The following CNTN5 variants were observed in gnomAD, a reference collection of about 807,000 sequenced individuals.
CNTN5 encodes the protein contactin-5.
CNTN5 carries 77 observed loss-of-function variants against 129.1 expected under a neutral mutation model. The observed-to-expected ratio is 0.60, with a 90% confidence interval of 0.50 to 0.72. The LOEUF is 0.72. CNTN5 is among the 30% of genes least tolerant of loss of function. The pLI, the probability that CNTN5 is intolerant of heterozygous loss-of-function variation, is 0.00. For synonymous variants in CNTN5, 509 were observed against 465.6 expected, an observed-to-expected ratio of 1.09 and a Z score of -1.20; for missense variants, 1,478 against 1,328.8, an observed-to-expected ratio of 1.11 and a Z score of -1.75.
chr11:100,207,644 C>T (rs1948944781), intron 15 of CNTN5, among the ~76,000 whole-genome samples: 1 of 151,954 alleles, frequency 6.6e-6, no homozygotes, highest in East Asian at 1.9e-4. Context: ...GATAGTATTT[C>T]CTAAAAGCAT....
At chr11:100,227,668 G>A (rs1949407758) in intron 16 of CNTN5, among the ~76,000 whole-genome samples, 1 of 152,090 alleles carries the variant, frequency 6.6e-6, no homozygotes, top group African/African-American at 2.4e-5. Flanking sequence ...AACCATAATA[G>A]AATGAATATG....
Position 99,775,482 on chromosome 11 carries a change from T to A in CNTN5, c.56-44062T>A, listed in dbSNP as rs527257581. Among the ~76,000 whole-genome samples the A allele has an allele frequency of 2.6e-5, 4 of 152,112 alleles. No individual in the cohort carries two copies. In the South Asian group the frequency reaches 8.3e-4, roughly 32 times the overall value. On this transcript the variant is annotated intron_variant, in intron 3 of 24. Coordinates refer to ENST00000524871, the MANE Select transcript of CNTN5 (RefSeq NM_014361.4). The stretch of plus-strand genomic sequence containing the variant: ...ATAAAAATATATTGTGATTAATGTC[T>A]CATCTACTGAAGAGCTTTGGTCAAA...
chr11:100,316,852 T>A (rs1951582000), intron 21 of CNTN5, among the ~76,000 whole-genome samples: 1 of 152,172 alleles, frequency 6.6e-6, no homozygotes, highest in Non-Finnish European at 1.5e-5. Flanking sequence ...TAGCAGGAGT[T>A]TAAGTGCACA....
intron 1 of CNTN5, among the ~76,000 whole-genome samples, chr11:99,059,541 A>C (rs1864786803): frequency 6.6e-6 from 1 of 152,110 alleles, no homozygotes; most frequent in Non-Finnish European, 1.5e-5. Context: ...CTTCTCTGAA[A>C]ACATTTGTAG....
intron 1 of CNTN5, among the ~76,000 whole-genome samples, chr11:99,096,316 G>A (rs1866465979): frequency 6.6e-6 from 1 of 151,726 alleles, no homozygotes; most frequent in African/African-American, 2.4e-5. Flanking sequence ...TATTTGTGAT[G>A]AAAACAATAT....
intron 8 of CNTN5, among the ~76,000 whole-genome samples, chr11:99,964,652 A>G (rs1951045297): frequency 6.6e-6 from 1 of 152,136 alleles, no homozygotes; most frequent in Non-Finnish European, 1.5e-5. Flanking sequence ...AGGCTTTGGT[A>G]TCAGGATGAT....
chr11:99,468,537 T>C (rs750942191), intron 2 of CNTN5, among the ~76,000 whole-genome samples: 6 of 152,112 alleles, frequency 3.9e-5, no homozygotes, highest in Non-Finnish European at 8.8e-5. Context: ...ATATGATGGA[T>C]GGTTAGGCAA....
At chr11:99,740,473 C>A (rs1475857887) in intron 3 of CNTN5, among the ~76,000 whole-genome samples, 1 of 152,086 alleles carries the variant, frequency 6.6e-6, no homozygotes, top group East Asian at 1.9e-4. Context: ...AGTAAGAAAG[C>A]AGGAATGGAA....
intron 18 of CNTN5, among the ~76,000 whole-genome samples, chr11:100,281,989 G>T (rs1950649687): frequency 1.5e-5 from 2 of 133,282 alleles, no homozygotes; most frequent in Non-Finnish European, 3.1e-5. Flanking sequence ...TTCTTTCTTG[G>T]CATTCTATTT....
At chr11:99,628,124 A>G (rs928531942) in intron 3 of CNTN5, among the ~76,000 whole-genome samples, 2 of 151,948 alleles carry the variant, frequency 1.3e-5, no homozygotes, top group Non-Finnish European at 2.9e-5. Context: ...TAGAGTATTC[A>G]TTTCAGCATC....
At chr11:99,512,205 C>T (rs1446948148) in intron 2 of CNTN5, among the ~76,000 whole-genome samples, 1 of 152,084 alleles carries the variant, frequency 6.6e-6, no homozygotes, top group Admixed American at 6.6e-5. Flanking sequence ...TTCTTTCATA[C>T]CACATTTTGC....
chr11:100,029,589 A>G (rs1031844146), intron 9 of CNTN5, among the ~76,000 whole-genome samples: 1 of 152,148 alleles, frequency 6.6e-6, no homozygotes, highest in Admixed American at 6.5e-5. Context: ...TCAAAAAAAA[A>G]GAAAAAACAT....
intron 13 of CNTN5, among the ~76,000 whole-genome samples, chr11:100,115,832 G>C (rs12269943): frequency 0.13 from 19,474 of 151,898 alleles, 1,298 homozygotes; most frequent in East Asian, 0.19. Context: ...AAGGTATTTT[G>C]GGTTTTGAAA....
rs755194370 is a variant in CNTN5, at chr11:100,090,205, CA to C, written c.1580+15913del. On this transcript the variant is annotated intron_variant, in intron 13 of 24. Coordinates refer to ENST00000524871, the MANE Select transcript of CNTN5 (RefSeq NM_014361.4). Reference sequence around the variant, plus strand: ...GGCATTGAAAGAACATATCTCAAAACAATAAGAGCCATCTGTGACAAACCCA... The same window carrying C: ...GGCATTGAAAGAACATATCTCAAAACATAAGAGCCATCTGTGACAAACCCA... Among the ~76,000 whole-genome samples, 15 of 152,014 alleles carry C rather than the reference CA, an allele frequency of 9.9e-5. No individual in the cohort carries two copies. The East Asian group carries it at 2.5e-3, about 26-fold the overall frequency.
chr11:100,061,953 A>G (rs749558092), intron 10 of CNTN5, among the ~76,000 whole-genome samples: 14 of 152,220 alleles, frequency 9.2e-5, no homozygotes, highest in Non-Finnish European at 1.9e-4. Flanking sequence ...AAATTAATAC[A>G]TCTGTATGAT....
At chr11:100,299,423 T>G (rs557270154) in intron 20 of CNTN5, 27 bp downstream of exon 20, 1 of 1,385,892 alleles carries the variant, frequency 7.2e-7, no homozygotes, top group Non-Finnish European at 1.0e-6. Context: ...CTATTATTTT[T>G]ATTTAACATT....
intron 13 of CNTN5, among the ~76,000 whole-genome samples, chr11:100,136,824 C>T (rs889269914): frequency 1.3e-5 from 2 of 150,658 alleles, no homozygotes; most frequent in African/African-American, 4.9e-5. Flanking sequence ...AAGAAACAAA[C>T]ACTTGGGAAA....
chr11:99,674,655 G>A (rs990758823), intron 3 of CNTN5, among the ~76,000 whole-genome samples: 2 of 152,060 alleles, frequency 1.3e-5, no homozygotes, highest in East Asian at 3.9e-4. Context: ...CAAAGTAGAG[G>A]AACTCATGCT....
rs562048417 is a variant in CNTN5 at position 99,892,366 on chromosome 11, A to C, written c.578-23688A>C. Among the ~76,000 whole-genome samples the C allele has an allele frequency of 2.0e-5, 3 of 152,048 alleles. No individual in the cohort carries two copies. In the East Asian group the frequency reaches 5.8e-4, roughly 29 times the overall value. The stretch of plus-strand genomic sequence containing the variant: ...TTTGTCAATTTTGGCTTTTGTTGCC[A>C]TTGCTTTTGGTGTTTTAGTCATGAA... On this transcript the variant is annotated intron_variant, in intron 6 of 24. Coordinates refer to ENST00000524871, the MANE Select transcript of CNTN5 (RefSeq NM_014361.4).
Sources: gnomAD v4.1 joint callset for allele counts (sites outside exome capture counted in the v4.1 genomes callset) on GRCh38, gnomAD v4.1.1 for gene constraint, MANE v1.5 for transcripts, NCBI Gene and HGNC (gene_info 2026-07-23, HGNC 2026-07-21) for gene names.